The following GRAMD1C variants were observed in gnomAD, a reference collection of about 807,000 sequenced individuals.
The protein encoded by GRAMD1C is protein Aster-C.
In GRAMD1C, 89 loss-of-function variants were observed where a neutral mutation model predicts 97.8. The ratio of observed to expected loss-of-function variants is 0.91; its 90% CI spans 0.77 to 1.09. The LOEUF is 1.09. GRAMD1C is among the 50% of genes least tolerant of loss of function. The probability of loss-of-function intolerance (pLI) is 0.00; values close to 1 mark genes in which losing one functional copy is unlikely to be tolerated. For synonymous variants in GRAMD1C, 256 were observed against 267.0 expected, an observed-to-expected ratio of 0.96 and a Z score of 0.40; for missense variants, 740 against 766.4, an observed-to-expected ratio of 0.97 and a Z score of 0.41.
chr3:113,849,267 T>TTTA (rs1933746777), intron 2 of GRAMD1C, among the ~76,000 whole-genome samples: 2 of 141,506 alleles, frequency 1.4e-5, no homozygotes, highest in African/African-American at 5.1e-5. Context: ...CTAGTTAATA[T>TTTA]TTTATTTATT....
At chr3:113,903,715 C>T (rs912928010) in intron 7 of GRAMD1C, among the ~76,000 whole-genome samples, 3 of 151,488 alleles carry the variant, frequency 2.0e-5, no homozygotes, top group African/African-American at 7.3e-5. Flanking sequence ...GGGAGGGCTT[C>T]GCCATTTCAG....
intron 17 of GRAMD1C, 118 bp downstream of exon 17, chr3:113,940,463 G>A (rs1559829166): frequency 5.0e-6 from 3 of 605,704 alleles, no homozygotes. Flanking sequence ...CCCTGCTAGA[G>A]CCAACTACCC....
At chr3:113,872,941 C>T (rs962048875) in intron 3 of GRAMD1C, among the ~76,000 whole-genome samples, 2 of 149,706 alleles carry the variant, frequency 1.3e-5, no homozygotes, top group African/African-American at 4.9e-5. Context: ...AAAAATTAGC[C>T]AGGCGTGGTG....
chr3:113,896,571 G>A (rs1443915244), intron 6 of GRAMD1C, among the ~76,000 whole-genome samples: 3 of 152,250 alleles, frequency 2.0e-5, no homozygotes, highest in South Asian at 2.1e-4. Context: ...GTTCACCATC[G>A]TAAATATATT....
In GRAMD1C at chr3:113,934,529, C is replaced by T; in HGVS notation, c.1450C>T (p.Gln484Ter). 1 of 1,458,036 alleles carries T rather than the reference C, an allele frequency of 6.9e-7. No individual in the cohort carries two copies. The highest frequency in any genetic ancestry group is 9.4e-7 in the Non-Finnish European group (1 of 1,063,388). 90.3% of individuals were successfully genotyped at this position (1,458,036 alleles called of 1,614,324 possible). A position where few individuals can be genotyped will look rare whatever the true frequency, so the allele number is the denominator to read the frequency against. ...GAGTTCTTTGGAGGACTATTTCAAA[C>T]AGCTTGGTTTGTAAATTTTTTTATT... ...SWSSLEDYFK[Q>*]LESDLLIEES... Residue 484 changes from glutamine to a stop codon, truncating the protein, a stop_gained, in exon 13 of 18, where the codon CAG becomes TAG. Transcript: ENST00000358160. LOFTEE classifies it high-confidence loss of function.
chr3:113,945,427 A>G lies in GRAMD1C; in HGVS notation c.1938A>G (p.Lys646=). The change falls in exon 18 of 18, where the codon AAA becomes AAG. Residue 646 remains lysine (K), a synonymous_variant. Transcript: ENST00000358160. ...AGAGCTCACTCATTATGCTTCAGAA[A>G]ACGTTTGATCTACTAAATAAGAATA... ...QLKSSLIMLQ[K]TFDLLNKNKT... 6.2e-7 allele frequency: 1 copy of G among 1,601,102 alleles called. No homozygotes were observed. The highest frequency in any genetic ancestry group is 8.6e-7 in the Non-Finnish European group (1 of 1,168,826).
intron 1 of GRAMD1C, among the ~76,000 whole-genome samples, chr3:113,832,258 C>T (rs1464850297): frequency 6.6e-6 from 1 of 152,050 alleles, no homozygotes; most frequent in African/African-American, 2.4e-5. Flanking sequence ...GAACTCCTGA[C>T]CTCAGGTGAT....
At chr3:113,875,936 A>G (rs950331168) in intron 4 of GRAMD1C, 25 of 441,784 alleles carry the variant, frequency 5.7e-5, no homozygotes, top group Non-Finnish European at 8.8e-5. Flanking sequence ...CAAACTTTAT[A>G]CTAATGTTAG....
At chr3:113,863,194 A>G (rs996308131) in intron 2 of GRAMD1C, among the ~76,000 whole-genome samples, 2 of 152,216 alleles carry the variant, frequency 1.3e-5, no homozygotes, top group Non-Finnish European at 2.9e-5. Context: ...ACATTAATCA[A>G]TTGATGAATG....
intron 17 of GRAMD1C, 23 bp from the exon 18 acceptor site, chr3:113,945,375 T>C (rs1163319217): frequency 1.4e-6 from 2 of 1,462,968 alleles, no homozygotes; most frequent in Non-Finnish European, 1.9e-6. Context: ...TAATCTGATT[T>C]TGAAAATTAA....
chr3:113,832,335 G>A (rs12631130), intron 1 of GRAMD1C, among the ~76,000 whole-genome samples: 94,830 of 152,054 alleles, frequency 0.62, 30,451 homozygotes, highest in South Asian at 0.74. Flanking sequence ...GCATAATGCA[G>A]CAACTTTGAA....
At chr3:113,910,854 C>T (rs1319757711) in intron 9 of GRAMD1C, among the ~76,000 whole-genome samples, 1 of 152,126 alleles carries the variant, frequency 6.6e-6, no homozygotes, top group Non-Finnish European at 1.5e-5. Flanking sequence ...CTGTGGGCAC[C>T]TAGATCCAGA....
chr3:113,848,781 A>G (rs1270260977), intron 2 of GRAMD1C, among the ~76,000 whole-genome samples: 2 of 152,198 alleles, frequency 1.3e-5, no homozygotes, highest in Non-Finnish European at 2.9e-5. Flanking sequence ...ATTCCAGGCT[A>G]GGCGACAGAG....
intron 12 of GRAMD1C, among the ~76,000 whole-genome samples, chr3:113,933,898 T>C (rs181901419): frequency 4.8e-4 from 73 of 152,358 alleles, no homozygotes; most frequent in African/African-American, 1.7e-3. Flanking sequence ...GAGAAAGCTG[T>C]AGAATTGTGT....
At chr3:113,901,633 T>C (rs920494357) in intron 7 of GRAMD1C, among the ~76,000 whole-genome samples, 4 of 152,192 alleles carry the variant, frequency 2.6e-5, no homozygotes, top group Non-Finnish European at 4.4e-5. Flanking sequence ...TCGATAATGG[T>C]AAGAGTCATA....
At chr3:113,868,423 TG>T (rs1438929658) in intron 2 of GRAMD1C, among the ~76,000 whole-genome samples, 1 of 152,214 alleles carries the variant, frequency 6.6e-6, no homozygotes, top group Non-Finnish European at 1.5e-5. Flanking sequence ...CTCTGGATTC[TG>T]ATTGCATTCC....
chr3:113,892,570 C>T (rs554896590), intron 6 of GRAMD1C, among the ~76,000 whole-genome samples: 3 of 152,264 alleles, frequency 2.0e-5, no homozygotes, highest in South Asian at 2.1e-4. Context: ...AAACATAAGT[C>T]ATCCATGTTT....
At chr3:113,908,715 G>A (rs922498728) in intron 8 of GRAMD1C, among the ~76,000 whole-genome samples, 4 of 151,966 alleles carry the variant, frequency 2.6e-5, no homozygotes, top group Non-Finnish European at 4.4e-5. Flanking sequence ...TCTTTTATAT[G>A]GTGTTTTTCA....
chr3:113,882,183 T>G (rs1485414505), intron 5 of GRAMD1C, among the ~76,000 whole-genome samples: 2 of 152,200 alleles, frequency 1.3e-5, no homozygotes, highest in Non-Finnish European at 2.9e-5. Context: ...GATTGAAACA[T>G]ACTACTTTTC....
Sources: allele counts gnomAD v4.1 joint callset (sites outside exome capture counted in the v4.1 genomes callset), GRCh38; gene constraint gnomAD v4.1.1; transcripts MANE v1.5; gene names NCBI Gene and HGNC (gene_info 2026-07-23, HGNC 2026-07-21).